Variants in ADGRL2 observed in about 807,000 individuals in gnomAD.
ADGRL2 encodes calcium-independent alpha-latrotoxin receptor 2.
In ADGRL2, 44 loss-of-function variants were observed where a neutral mutation model predicts 157.4. The observed-to-expected ratio is 0.28, with a 90% CI of 0.22 to 0.36. ADGRL2 has a LOEUF of 0.36. Among genes scored for constraint, ADGRL2 ranks in the 10% least tolerant of loss-of-function variants. ADGRL2 has a pLI of 1.00. For missense variants in ADGRL2, 1,510 were observed against 1,768.9 expected (o/e 0.85, Z 2.63); for synonymous variants, 585 against 624.7 (o/e 0.94, Z 0.95).
At chr1:81,964,469 A>G (rs966291533) in intron 11 of ADGRL2, among the ~76,000 whole-genome samples, 5 of 152,160 alleles carry the variant, frequency 3.3e-5, no homozygotes, top group Non-Finnish European at 5.9e-5. Context: ...AAATAAGTGT[A>G]TCAACCAGTT....
chr1:81,985,236 GT>G (rs1662814756), intron 20 of ADGRL2, 22 bp from the exon 21 acceptor site: 1 of 1,342,084 alleles, frequency 7.5e-7, no homozygotes. Context: ...AAACATATTT[GT>G]CTTGCTGTTT....
intron 11 of ADGRL2, among the ~76,000 whole-genome samples, chr1:81,965,384 G>T (rs1656752383): frequency 1.3e-5 from 2 of 152,272 alleles, no homozygotes; most frequent in Non-Finnish European, 2.9e-5. Flanking sequence ...TGGCCTGCAG[G>T]TTCTATTTTG....
chr1:81,854,085 T>A (rs1324753452), intron 2 of ADGRL2, among the ~76,000 whole-genome samples: 1 of 152,186 alleles, frequency 6.6e-6, no homozygotes, highest in African/African-American at 2.4e-5. Flanking sequence ...AATTTTCCAA[T>A]GTAGGTTGCA....
chr1:81,451,857 A>C (rs1013548847), intron 2 of ADGRL2, among the ~76,000 whole-genome samples: 1 of 152,220 alleles, frequency 6.6e-6, no homozygotes, highest in Non-Finnish European at 1.5e-5. Flanking sequence ...AAATATATGA[A>C]TATTACATTA....
At chr1:81,586,835 G>T (rs2081036261) in intron 3 of ADGRL2, among the ~76,000 whole-genome samples, 1 of 152,074 alleles carries the variant, frequency 6.6e-6, no homozygotes, top group African/African-American at 2.4e-5. Context: ...ATGTTAGCTT[G>T]CATTTATGTC....
intron 2 of ADGRL2, among the ~76,000 whole-genome samples, chr1:81,565,637 C>T (rs1029635267): frequency 6.6e-6 from 1 of 152,100 alleles, no homozygotes; most frequent in Non-Finnish European, 1.5e-5. Context: ...TCATGCTGCC[C>T]CTAGTTAAAA....
chr1:81,753,316 GTT>G (rs1306930950), intron 1 of ADGRL2, among the ~76,000 whole-genome samples: 3 of 152,076 alleles, frequency 2.0e-5, no homozygotes, highest in African/African-American at 7.2e-5. Flanking sequence ...AGAAACTCCC[GTT>G]TTTAAAACCA....
chr1:81,584,703 A>G (rs931585152), intron 3 of ADGRL2, among the ~76,000 whole-genome samples: 10 of 152,176 alleles, frequency 6.6e-5, no homozygotes, highest in Non-Finnish European at 5.9e-5. Context: ...AAACTTCAAC[A>G]TAGCACAGTT....
intron 3 of ADGRL2, among the ~76,000 whole-genome samples, chr1:81,667,877 A>G (rs2082784525): frequency 6.6e-6 from 1 of 152,310 alleles, no homozygotes; most frequent in South Asian, 2.1e-4. Context: ...CTGCGTATTT[A>G]TAAGATCTAT....
intron 2 of ADGRL2, among the ~76,000 whole-genome samples, chr1:81,785,943 C>G (rs1247148220): frequency 6.7e-6 from 1 of 149,964 alleles, no homozygotes; most frequent in Non-Finnish European, 1.5e-5. Context: ...TCTGTCTCTA[C>G]AGAAAAAAAA....
At chr1:81,697,661 A>G (rs1000134710), upstream of ADGRL2, among the ~76,000 whole-genome samples, 2 of 152,248 alleles carry the variant, frequency 1.3e-5, no homozygotes, top group African/African-American at 4.8e-5. Flanking sequence ...TCAGGAATCC[A>G]AATATCCCAA....
At chr1:81,981,458 A>G (rs966848264) in intron 18 of ADGRL2, among the ~76,000 whole-genome samples, 1 of 151,924 alleles carries the variant, frequency 6.6e-6, no homozygotes, top group Non-Finnish European at 1.5e-5. Flanking sequence ...CATAGGAATA[A>G]AAATACAGGA....
At chr1:81,552,450 A>C (rs1233234021) in intron 2 of ADGRL2, among the ~76,000 whole-genome samples, 1 of 152,132 alleles carries the variant, frequency 6.6e-6, no homozygotes, top group Non-Finnish European at 1.5e-5. Flanking sequence ...TTTCAGGGAA[A>C]GCTGCAGCCA....
intron 2 of ADGRL2, among the ~76,000 whole-genome samples, chr1:81,526,263 G>A (rs1407282040): frequency 2.0e-5 from 3 of 152,054 alleles, no homozygotes; most frequent in Non-Finnish European, 4.4e-5. Context: ...TGAACCTATG[G>A]GAATTAATGT....
intron 1 of ADGRL2, among the ~76,000 whole-genome samples, chr1:81,710,859 T>G (rs1466385754): frequency 6.6e-6 from 1 of 151,780 alleles, no homozygotes. Context: ...AATAGTTTAT[T>G]AAAGGTTAGT....
At chr1:81,441,332 A>T (rs962832637) in intron 1 of ADGRL2, among the ~76,000 whole-genome samples, 1 of 152,172 alleles carries the variant, frequency 6.6e-6, no homozygotes, top group Non-Finnish European at 1.5e-5. Flanking sequence ...TAGTGCATAC[A>T]CTTCATCTAC....
intron 1 of ADGRL2, among the ~76,000 whole-genome samples, chr1:81,738,184 AGGT>A (rs1292248322): frequency 6.6e-6 from 1 of 152,234 alleles, no homozygotes; most frequent in Non-Finnish European, 1.5e-5. Context: ...ATCCGGATGT[AGGT>A]CAAGATTGAG....
intron 1 of ADGRL2, among the ~76,000 whole-genome samples, chr1:81,433,605 C>G (rs1570955505): frequency 6.6e-6 from 1 of 152,192 alleles, no homozygotes; most frequent in Non-Finnish European, 1.5e-5. Context: ...GGGTTGAATT[C>G]AGATTCTACC....
chr1:81,913,555 G>C (rs2094782947), intron 3 of ADGRL2, among the ~76,000 whole-genome samples: 1 of 152,138 alleles, frequency 6.6e-6, no homozygotes, highest in South Asian at 2.1e-4. Flanking sequence ...AGAGTTTATA[G>C]GCCATGGCTT....
Sources: allele counts gnomAD v4.1 joint callset (sites outside exome capture counted in the v4.1 genomes callset), GRCh38; gene constraint gnomAD v4.1.1; transcripts MANE v1.5; gene names NCBI Gene and HGNC (gene_info 2026-07-23, HGNC 2026-07-21).